PID1: variants seen among roughly 807,000 people sequenced by gnomAD.
PID1 encodes the protein PTB-containing, cubilin and LRP1-interacting protein.
In PID1, 10 loss-of-function variants were observed where a neutral mutation model predicts 19.1. The observed-to-expected ratio is 0.52, with a 90% CI of 0.32 to 0.89. The LOEUF (loss-of-function observed/expected upper bound fraction) is 0.89, where lower values mean the gene tolerates loss of function less well. PID1 is among the 40% of genes least tolerant of loss of function. The pLI is 0.03. For missense variants in PID1, 248 were observed against 285.3 expected, an observed-to-expected ratio of 0.87 and a Z score of 0.94; for synonymous variants, 130 against 116.0, an observed-to-expected ratio of 1.12 and a Z score of -0.78.
intron 2 of PID1, among the ~76,000 whole-genome samples, chr2:229,041,421 TATAA>T (rs1175400709): frequency 2.0e-5 from 3 of 152,138 alleles, no homozygotes; most frequent in Non-Finnish European, 4.4e-5. Flanking sequence ...TCAATATTGA[TATAA>T]ATAGATAAAT....
At chr2:229,131,316 C>T (rs941208306) in intron 2 of PID1, among the ~76,000 whole-genome samples, 1 of 151,896 alleles carries the variant, frequency 6.6e-6, no homozygotes, top group African/African-American at 2.4e-5. Context: ...CTGCAGCCTC[C>T]ACCTCCCGGG....
chr2:229,125,667 C>T (rs1318399606), intron 2 of PID1, among the ~76,000 whole-genome samples: 3 of 152,136 alleles, frequency 2.0e-5, no homozygotes, highest in Admixed American at 6.6e-5. Flanking sequence ...GTTTCACATT[C>T]ATACAAATAA....
chr2:229,058,134 G>A (rs947926745), intron 2 of PID1, among the ~76,000 whole-genome samples: 4 of 152,168 alleles, frequency 2.6e-5, no homozygotes, highest in Admixed American at 6.5e-5. Context: ...CCAAATACTA[G>A]AGAGTTACTT....
chr2:229,076,537 TC>T (rs1694561751), intron 2 of PID1, among the ~76,000 whole-genome samples: 1 of 152,052 alleles, frequency 6.6e-6, no homozygotes. Context: ...ATGTTATCCC[TC>T]CCATTGCCTC....
chr2:229,083,617 T>C (rs1465257371), intron 2 of PID1, among the ~76,000 whole-genome samples: 2 of 152,104 alleles, frequency 1.3e-5, no homozygotes, highest in Non-Finnish European at 2.9e-5. Flanking sequence ...GCAGTGAAAA[T>C]ATATGGGTGT....
intron 2 of PID1, among the ~76,000 whole-genome samples, chr2:229,077,599 A>T (rs77184715): frequency 6.6e-6 from 1 of 152,216 alleles, no homozygotes; most frequent in Non-Finnish European, 1.5e-5. Flanking sequence ...AGTTTTTTGC[A>T]TATGGCTAGC....
At chr2:229,216,100 TAAG>T (rs937866271) in intron 1 of PID1, among the ~76,000 whole-genome samples, 6 of 152,176 alleles carry the variant, frequency 3.9e-5, no homozygotes, top group Non-Finnish European at 5.9e-5. Flanking sequence ...CACTCGGCTT[TAAG>T]AAGAAGGGCT....
chr2:229,056,585 C>T (rs913962094), intron 2 of PID1, among the ~76,000 whole-genome samples: 5 of 150,636 alleles, frequency 3.3e-5, no homozygotes, highest in Non-Finnish European at 7.4e-5. Context: ...TCTTTGACTA[C>T]AGCCCAGAAT....
chr2:229,219,606 T>A (rs1275654963), intron 1 of PID1, among the ~76,000 whole-genome samples: 1 of 152,084 alleles, frequency 6.6e-6, no homozygotes, highest in Non-Finnish European at 1.5e-5. Flanking sequence ...CAATCATAGC[T>A]CATTGCAGCT....
intron 1 of PID1, among the ~76,000 whole-genome samples, chr2:229,229,937 C>A (rs1259704928): frequency 2.0e-5 from 3 of 152,182 alleles, no homozygotes; most frequent in Admixed American, 6.5e-5. Context: ...AATAACTTGA[C>A]TCAGGTGATC....
At chr2:229,070,624 ACC>A (rs1343258098) in intron 2 of PID1, among the ~76,000 whole-genome samples, 1 of 152,156 alleles carries the variant, frequency 6.6e-6, no homozygotes, top group Non-Finnish European at 1.5e-5. Flanking sequence ...GCCTCCCTGC[ACC>A]CTCATACCAA....
At chr2:229,039,599 T>C (rs1324136672) in intron 2 of PID1, among the ~76,000 whole-genome samples, 2 of 152,208 alleles carry the variant, frequency 1.3e-5, no homozygotes, top group Non-Finnish European at 2.9e-5. Context: ...GGTAGAAAAC[T>C]GAATGAAATC....
chr2:229,101,791 CAGAGCCTATGGTGGGCAGATTA>C (rs2106228780), intron 2 of PID1, among the ~76,000 whole-genome samples: 1 of 152,264 alleles, frequency 6.6e-6, no homozygotes, highest in East Asian at 1.9e-4. Context: ...CGGGCATTTG[CAGAGCCTATGGTGGGCAGATTA>C]AGAGCCTCCA....
At chr2:229,028,217 A>G (rs1428677427) in intron 2 of PID1, among the ~76,000 whole-genome samples, 3 of 152,224 alleles carry the variant, frequency 2.0e-5, no homozygotes, top group African/African-American at 2.4e-5. Flanking sequence ...ATACATAATG[A>G]GATATCTTGG....
intron 1 of PID1, among the ~76,000 whole-genome samples, chr2:229,222,157 T>C (rs1457875758): frequency 6.6e-6 from 1 of 152,132 alleles, no homozygotes; most frequent in Non-Finnish European, 1.5e-5. Context: ...ATCAAACAAT[T>C]TTCCTTACTT....
At chr2:229,048,954 A>C (rs1371687019) in intron 2 of PID1, among the ~76,000 whole-genome samples, 1 of 152,190 alleles carries the variant, frequency 6.6e-6, no homozygotes, top group Non-Finnish European at 1.5e-5. Context: ...CATTTTTCTA[A>C]GAGAGGATTC....
intron 1 of PID1, among the ~76,000 whole-genome samples, chr2:229,251,742 A>G (rs1690157131): frequency 6.6e-6 from 1 of 152,184 alleles, no homozygotes; most frequent in African/African-American, 2.4e-5. Context: ...GACAAATAGC[A>G]TCAGTTCCTT....
chr2:229,116,727 CTT>C, intron 2 of PID1, among the ~76,000 whole-genome samples: 1 of 152,306 alleles, frequency 6.6e-6, no homozygotes, highest in Middle Eastern at 3.4e-3. Context: ...AGTTAAACCT[CTT>C]TCCTTTATAA....
intron 1 of PID1, among the ~76,000 whole-genome samples, chr2:229,174,384 A>G (rs979530119): frequency 1.3e-5 from 2 of 152,224 alleles, no homozygotes; most frequent in African/African-American, 4.8e-5. Context: ...AAGAGAAAGA[A>G]GCATTATACA....
Sources: allele counts gnomAD v4.1 joint callset (sites outside exome capture counted in the v4.1 genomes callset), GRCh38; gene constraint gnomAD v4.1.1; transcripts MANE v1.5; gene names NCBI Gene and HGNC (gene_info 2026-07-23, HGNC 2026-07-21).